Variants in WWOX observed in about 807,000 individuals in gnomAD.
WWOX encodes the protein WW domain-containing oxidoreductase.
Under a neutral mutation model 46.2 loss-of-function variants are expected in WWOX, and 69 were observed. That is an observed-to-expected ratio of 1.49 (90% confidence interval 1.23 to 1.82). The LOEUF (loss-of-function observed/expected upper bound fraction) is 1.82. Among genes scored for constraint, WWOX ranks in the 40% most tolerant of loss-of-function variants. The pLI, the probability that WWOX is intolerant of heterozygous loss-of-function variation, is 0.00. For synonymous variants in WWOX, 359 were observed against 202.6 expected, an observed-to-expected ratio of 1.77 and a Z score of -6.56; for missense variants, 919 against 542.6, an observed-to-expected ratio of 1.69 and a Z score of -6.89.
intron 8 of WWOX, among the ~76,000 whole-genome samples, chr16:78,489,612 A>G (rs572926169): frequency 1.3e-5 from 2 of 152,188 alleles, no homozygotes; most frequent in South Asian, 4.1e-4. Flanking sequence ...TATTTCCAGA[A>G]CCTTCTAACT....
At chr16:78,577,457 C>T (rs193000110) in intron 8 of WWOX, among the ~76,000 whole-genome samples, 10 of 152,270 alleles carry the variant, frequency 6.6e-5, no homozygotes, top group Non-Finnish European at 1.3e-4. Context: ...AGCTGGCTCA[C>T]CTTTCATGCA....
chr16:79,126,856 T>A (rs760758652), intron 8 of WWOX, among the ~76,000 whole-genome samples: 3 of 152,074 alleles, frequency 2.0e-5, no homozygotes, highest in Non-Finnish European at 2.9e-5. Flanking sequence ...AACAGGAAAT[T>A]GTGCTCAAAG....
In WWOX at chr16:78,099,681, CCCGACGCGCGCG is replaced by C. The variant is rs2031610604; in HGVS notation, c.-97_-86del. The C allele has an allele frequency of 7.0e-7, 1 of 1,426,282 alleles. No individual in the cohort carries two copies. The highest frequency in any genetic ancestry group is 1.5e-5 in the African/African-American group (1 of 67,978). The allele number at this position is 1,426,282 out of a possible 1,614,324, so 88.4% of individuals were successfully genotyped here. ...AGTGCGCAGGCGTGAGCGGTCGGGC[CCCGACGCGCGCG>C]GGTCTCGTTTGGAGCGGGAGTGAGT... On this transcript the variant is annotated 5_prime_UTR_variant, in exon 1 of 9. Coordinates refer to ENST00000566780, the MANE Select transcript of WWOX (RefSeq NM_016373.4).
At chr16:78,184,677 C>T (rs1278217928) in intron 5 of WWOX, among the ~76,000 whole-genome samples, 3 of 151,970 alleles carry the variant, frequency 2.0e-5, no homozygotes, top group African/African-American at 4.8e-5. Context: ...AAACACTGTT[C>T]GGTTTGTTTA....
intron 8 of WWOX, among the ~76,000 whole-genome samples, chr16:79,014,415 A>G (rs2047372551): frequency 6.6e-6 from 1 of 152,098 alleles, no homozygotes. Flanking sequence ...AATTTTCTCA[A>G]GCTGTCTATG....
chr16:78,266,825 T>TCTCTCTC (rs58932901), intron 5 of WWOX, among the ~76,000 whole-genome samples: 1 of 142,364 alleles, frequency 7.0e-6, no homozygotes, highest in African/African-American at 2.6e-5. Context: ...TCTCTCTCTC[T>TCTCTCTC]GTCTCCCTCT....
chr16:79,074,347 C>T (rs1422286246), intron 8 of WWOX, among the ~76,000 whole-genome samples: 1 of 144,962 alleles, frequency 6.9e-6, no homozygotes, highest in Admixed American at 7.0e-5. Context: ...AAACATCTGA[C>T]TTCCTAAAAC....
At chr16:78,821,764 C>G (rs2051501493) in intron 8 of WWOX, among the ~76,000 whole-genome samples, 1 of 152,166 alleles carries the variant, frequency 6.6e-6, no homozygotes, top group Admixed American at 6.5e-5. Flanking sequence ...TGAGAAAATG[C>G]AAAGTAACCT....
chr16:78,824,267 T>A (rs1012109937), intron 8 of WWOX, among the ~76,000 whole-genome samples: 1 of 152,186 alleles, frequency 6.6e-6, no homozygotes, highest in Non-Finnish European at 1.5e-5. Flanking sequence ...GTAGAAAGTT[T>A]TTCTAACAAT....
At chr16:79,201,044 A>G (rs1222558764) in intron 8 of WWOX, among the ~76,000 whole-genome samples, 2 of 152,162 alleles carry the variant, frequency 1.3e-5, no homozygotes, top group Non-Finnish European at 1.5e-5. Context: ...CATCCTTCCA[A>G]GAAACACATG....
chr16:78,555,010 A>G (rs944342355), intron 8 of WWOX, among the ~76,000 whole-genome samples: 5 of 152,164 alleles, frequency 3.3e-5, no homozygotes, highest in Admixed American at 6.5e-5. Context: ...GGCCTGGCAG[A>G]CAACTTCTGG....
intron 7 of WWOX, among the ~76,000 whole-genome samples, chr16:78,430,154 G>A (rs976045775): frequency 1.1e-4 from 17 of 152,162 alleles, no homozygotes; most frequent in African/African-American, 4.1e-4. Flanking sequence ...CATGACATCA[G>A]GCAACAGAGT....
intron 8 of WWOX, among the ~76,000 whole-genome samples, chr16:78,504,413 ATC>A (rs2085142306): frequency 6.6e-6 from 1 of 152,212 alleles, no homozygotes; most frequent in South Asian, 2.1e-4. Context: ...AGCAAGCTTG[ATC>A]TCTCAGAATG....
intron 8 of WWOX, among the ~76,000 whole-genome samples, chr16:78,734,194 T>C (rs1451075219): frequency 6.6e-6 from 1 of 152,148 alleles, no homozygotes; most frequent in Non-Finnish European, 1.5e-5. Context: ...GTGACTGAAA[T>C]TGGAATGTTA....
At chr16:78,575,317 C>G (rs1377485601) in intron 8 of WWOX, among the ~76,000 whole-genome samples, 5 of 150,602 alleles carry the variant, frequency 3.3e-5, no homozygotes, top group Non-Finnish European at 5.9e-5. Context: ...CTCCCTAATA[C>G]TGTTCCTAGT....
chr16:78,707,787 G>C (rs1003804569), intron 8 of WWOX, among the ~76,000 whole-genome samples: 2 of 151,764 alleles, frequency 1.3e-5, no homozygotes, highest in Non-Finnish European at 2.9e-5. Context: ...GGAGGCTGAG[G>C]CAGGAGAACT....
At chr16:78,481,030 T>A (rs1027510973) in intron 8 of WWOX, among the ~76,000 whole-genome samples, 3 of 152,168 alleles carry the variant, frequency 2.0e-5, no homozygotes, top group African/African-American at 7.2e-5. Context: ...GTAAACACAA[T>A]CACAGTTTGA....
At chr16:78,836,778 C>A (rs2051996686) in intron 8 of WWOX, among the ~76,000 whole-genome samples, 1 of 152,284 alleles carries the variant, frequency 6.6e-6, no homozygotes, top group Middle Eastern at 3.4e-3. Context: ...TTTCTGATCT[C>A]TTTAATTATT....
chr16:79,044,093 C>T (rs1260445174), intron 8 of WWOX, among the ~76,000 whole-genome samples: 1 of 152,154 alleles, frequency 6.6e-6, no homozygotes, highest in Non-Finnish European at 1.5e-5. Flanking sequence ...GGCGCAGCTC[C>T]CAAAGGGAGA....
Sources: gnomAD v4.1 joint callset for allele counts (sites outside exome capture counted in the v4.1 genomes callset) on GRCh38, gnomAD v4.1.1 for gene constraint, MANE v1.5 for transcripts, NCBI Gene and HGNC (gene_info 2026-07-23, HGNC 2026-07-21) for gene names.